Variants in TTN observed in about 807,000 individuals in gnomAD.
TTN encodes the protein titin.
A neutral mutation model predicts 3,223.0 loss-of-function variants in TTN; 1,525 were observed. The observed-to-expected ratio is 0.47, with a 90% CI of 0.45 to 0.49. The LOEUF (loss-of-function observed/expected upper bound fraction) is 0.49. TTN is among the 20% of genes least tolerant of loss of function. The pLI, the probability that TTN is intolerant of heterozygous loss-of-function variation, is 0.00. For missense variants in TTN, 40,786 were observed against 43,424.0 expected, an observed-to-expected ratio of 0.94 and a Z score of 5.40; for synonymous variants, 14,094 against 15,161.0, an observed-to-expected ratio of 0.93 and a Z score of 5.17.
rs768090794 is a variant in TTN, at chr2:178,756,694, A to G, written c.10782T>C (p.Ser3594=). Residue 3594 remains serine (S), a synonymous_variant, in exon 46 of 363, where the codon TCT becomes TCC. Transcript: ENST00000589042. Reference sequence around the variant, plus strand: ...CTTGAAATGACTTAATTTCCTTTTGAGATATTTTGCTCTCCTCCTTTGTGA... The same window carrying G: ...CTTGAAATGACTTAATTTCCTTTTGGGATATTTTGCTCTCCTCCTTTGTGA... ...SSFTKEESKI[S]QKEIKSFQGS... 1.2e-6 allele frequency: 2 copies of G among 1,613,676 alleles called. No homozygotes were observed. The highest frequency in any genetic ancestry group is 4.5e-5 in the East Asian group (2 of 44,846).
At position 178,703,960 on chromosome 2, in the gene TTN, A is replaced by G. The variant is rs1281008769; in HGVS notation, c.30223+187T>C. 3.9e-5 allele frequency among the ~76,000 whole-genome samples: 6 copies of G among 152,208 alleles called. No individual in the cohort carries two copies. The East Asian group carries it at 1.2e-3, about 29-fold the overall frequency. ...AAAAGAACGATGCAAAAGAACTGACACTCATTTGAATATTTCCCTTGTGCT... is the reference window on the plus strand; with the variant it reads ...AAAAGAACGATGCAAAAGAACTGACGCTCATTTGAATATTTCCCTTGTGCT... On this transcript the variant is annotated intron_variant, in intron 106 of 362. Coordinates refer to ENST00000589042, the MANE Select transcript of TTN (RefSeq NM_001267550.2).
intron 18 of TTN, 34 bp from the exon 19 acceptor site, chr2:178,782,636 G>A (rs1351166843): frequency 3.1e-6 from 5 of 1,611,648 alleles, no homozygotes; most frequent in East Asian, 4.5e-5. Context: ...ATTGAGATGA[G>A]ATGTTTAGTG....
rs757464490 is a variant in TTN, at chr2:178,589,835, G to A, written c.61890C>T (p.Ala20630=). The part of the protein sequence containing the change: ...ASDVTKRLIK[A]NLLANNEYYF... Reference sequence around the variant, plus strand: ...AGTATTCATTGTTGGCTAAAAGGTTGGCCTTGATTAATCGTTTAGTGACAT... The same window carrying A: ...AGTATTCATTGTTGGCTAAAAGGTTAGCCTTGATTAATCGTTTAGTGACAT... The change falls in exon 304 of 363, where the codon GCC becomes GCT. Residue 20630 remains alanine (A), a synonymous_variant. Transcript: ENST00000589042. 14 of 1,613,478 alleles carry A rather than the reference G, an allele frequency of 8.7e-6. No homozygotes were observed. Among genetic ancestry groups the A allele is most frequent in the Non-Finnish European group, 1.2e-5 (14 of 1,179,604 alleles).
Position 178,632,936 on chromosome 2 carries a change from C to G in TTN, c.43195G>C (p.Ala14399Pro). Residue 14399 changes from alanine to proline, a missense_variant, in exon 234 of 363, where the codon GCC becomes CCC. By Grantham distance (27) the Ala-to-Pro change is conservative (BLOSUM62 -1). Coordinates refer to ENST00000589042, the MANE Select transcript of TTN (RefSeq NM_001267550.2). ...AGCATACCTTTCACTTTCAGATTGG[C>G]TGCAGATTTGGCATTAGCAGCCTGG... ...SFQAANAKSAANLKVKELPLI... is the reference protein window; with the variant it reads ...SFQAANAKSAPNLKVKELPLI... The G allele has an allele frequency of 6.2e-7, 1 of 1,612,790 alleles. No homozygotes were observed. The highest frequency in any genetic ancestry group is 8.5e-7 in the Non-Finnish European group (1 of 1,179,324).
rs879110855 is a variant in TTN, at chr2:178,614,257, T to A, written c.49140A>T (p.Gly16380=). 2 of 1,612,542 alleles carry A rather than the reference T, an allele frequency of 1.2e-6. No individual in the cohort carries two copies. The highest frequency in any genetic ancestry group is 1.3e-5 in the African/African-American group (1 of 74,798). Residue 16380 remains glycine (G), a synonymous_variant, in exon 262 of 363, where the codon GGA becomes GGT. Coordinates refer to ENST00000589042, the MANE Select transcript of TTN (RefSeq NM_001267550.2). The part of the protein sequence containing the change: ...LTWNPPRDDG[G]SKITNYVVER... ...CCACAACATAGTTTGTGATCTTAGATCCACCATCATCGCGTGGTGGGTTCC... is the reference window on the plus strand; with the variant it reads ...CCACAACATAGTTTGTGATCTTAGAACCACCATCATCGCGTGGTGGGTTCC...
rs369393227 is a variant in TTN, at chr2:178,688,091, A to G, written c.32311+20T>C. ...CTCATCAAAACCCCAGATCATCTCT[A>G]GCTTATTTGCATTGTTTACCTTCAT... is the stretch of plus-strand genomic sequence containing the variant. On this transcript the variant is annotated intron_variant, in intron 127 of 362. Transcript: ENST00000589042. 1.3e-6 allele frequency: 2 copies of G among 1,599,172 alleles called. No individual in the cohort carries two copies. The highest frequency in any genetic ancestry group is 8.6e-7 in the Non-Finnish European group (1 of 1,168,040).
rs758126299 is a variant in TTN at position 178,550,228 on chromosome 2, A to C, written c.91610T>G (p.Ile30537Ser). 4 of 1,613,500 alleles carry C rather than the reference A, an allele frequency of 2.5e-6. No homozygotes were observed. Among genetic ancestry groups the C allele is most frequent in the Non-Finnish European group, 3.4e-6 (4 of 1,179,624 alleles). Reference sequence around the variant, plus strand: ...TCTAAGGCTCTCTCCGGACTTAATAATGAGACCATCAAAGTATTCAGGGCC... The same window carrying C: ...TCTAAGGCTCTCTCCGGACTTAATACTGAGACCATCAAAGTATTCAGGGCC... ...EFGPEYFDGL[I>S]IKSGESLRIK... Residue 30537 changes from isoleucine (I) to serine (S), a missense_variant, in exon 337 of 363, where the codon ATT (isoleucine) becomes AGT (serine). Transcript: ENST00000589042.
intron 323 of TTN, 29 bp downstream of exon 323, chr2:178,577,573 A>G (rs778799924): frequency 6.4e-7 from 1 of 1,555,190 alleles, no homozygotes; most frequent in Non-Finnish European, 8.7e-7. Context: ...TTTAAAAAAA[A>G]AAGTACATAA....
rs573886354 is a variant in TTN at position 178,727,412 on chromosome 2, T to C, written c.19994-41A>G. The C allele has an allele frequency of 2.6e-6, 4 of 1,522,700 alleles. No individual in the cohort carries two copies. The South Asian group carries it at 4.0e-5, about 15-fold the overall frequency. The allele number at this position is 1,522,700 out of a possible 1,614,324, so 94.3% of individuals were successfully genotyped here. ...AGAGGAGAGTATCAGGGAACAGAAA[T>C]AAATAACAATAGTTAAATTAGATAG... On this transcript the variant is annotated intron_variant, in intron 68 of 362. Transcript: ENST00000589042.
At position 178,695,363 on chromosome 2, in the gene TTN, G is replaced by T; in HGVS notation, c.31255C>A (p.Pro10419Thr). 6.2e-7 allele frequency: 1 copy of T among 1,612,098 alleles called. No individual in the cohort carries two copies. The highest frequency in any genetic ancestry group is 8.5e-7 in the Non-Finnish European group (1 of 1,178,578). The change falls in exon 115 of 363, where the codon CCA becomes ACA. Residue 10419 changes from proline to threonine, a missense_variant. By Grantham distance (38) the Pro-to-Thr change is conservative. Coordinates refer to ENST00000589042, the MANE Select transcript of TTN (RefSeq NM_001267550.2). Reference protein sequence around the residue: ...VPAKVPEKKAPPPPKVIKKPV... With the variant: ...VPAKVPEKKATPPPKVIKKPV... Reference sequence around the variant, plus strand: ...AATTACTTACCTTTAGGAGGTGGTGGTGCTTTCTTTTCAGGTACTTTGGCT... The same window carrying T: ...AATTACTTACCTTTAGGAGGTGGTGTTGCTTTCTTTTCAGGTACTTTGGCT...
chr2:178,714,670 T>C (rs775492611), intron 90 of TTN, 97 bp from the exon 91 acceptor site: 1 of 1,344,184 alleles, frequency 7.4e-7, no homozygotes, highest in Non-Finnish European at 9.9e-7. Context: ...AGTGATAATG[T>C]GTTATTTCCA....
At position 178,552,419 on chromosome 2, in the gene TTN, G is replaced by A; in HGVS notation, c.90481C>T (p.Pro30161Ser). The part of the protein sequence containing the change: ...LELPYKGKPK[P>S]SISWLKDGLP... ...CCATCTTTCAGCCAACTGATGGATG[G>A]TTTGGGTTTTCCCTTATAAGGTAAT... The change falls in exon 335 of 363, where the codon CCA becomes TCA. Residue 30161 changes from proline to serine, a missense_variant. Transcript: ENST00000589042. 1 of 1,597,408 alleles carries A rather than the reference G, an allele frequency of 6.3e-7. No individual in the cohort carries two copies. The highest frequency in any genetic ancestry group is 1.1e-5 in the South Asian group (1 of 89,016).
Position 178,547,881 on chromosome 2 carries a change from A to G in TTN, c.93745T>C (p.Trp31249Arg). The change falls in exon 339 of 363, where the codon TGG becomes CGG. Residue 31249 changes from tryptophan (W) to arginine (R), a missense_variant. Coordinates refer to ENST00000589042, the MANE Select transcript of TTN (RefSeq NM_001267550.2). ...ISGRPAPKVTWKLEEMRLKET... is the reference protein window; with the variant it reads ...ISGRPAPKVTRKLEEMRLKET... ...TTAAGTCTCATTTCTTCCAGTTTCCATGTTACTTTGGGGGCAGGACGACCA... is the reference window on the plus strand; with the variant it reads ...TTAAGTCTCATTTCTTCCAGTTTCCGTGTTACTTTGGGGGCAGGACGACCA... 2 of 1,613,676 alleles carry G rather than the reference A, an allele frequency of 1.2e-6. No individual in the cohort carries two copies. The highest frequency in any genetic ancestry group is 2.2e-5 in the East Asian group (1 of 44,852).
chr2:178,702,857 T>C (rs2075243507), intron 106 of TTN, among the ~76,000 whole-genome samples, 194 bp from the exon 107 acceptor site: 1 of 152,226 alleles, frequency 6.6e-6, no homozygotes, highest in Non-Finnish European at 1.5e-5. Context: ...AATTCTTAAG[T>C]GTATTCATGC....
intron 34 of TTN, among the ~76,000 whole-genome samples, chr2:178,770,959 C>T (rs551727345): frequency 7.2e-5 from 11 of 152,242 alleles, no homozygotes; most frequent in East Asian, 1.9e-4. Flanking sequence ...GGGTGAAAGA[C>T]GAATGGAGAA....
At chr2:178,670,870 T>C (rs1424075825) in intron 156 of TTN, among the ~76,000 whole-genome samples, 2 of 151,914 alleles carry the variant, frequency 1.3e-5, no homozygotes, top group African/African-American at 4.8e-5. Context: ...ACTAGAGATA[T>C]TTGCTTTGGT....
intron 41 of TTN, 102 bp downstream of exon 41, chr2:178,766,279 G>A: frequency 4.2e-6 from 4 of 944,160 alleles, no homozygotes; most frequent in South Asian, 2.7e-5. Flanking sequence ...AATACCATAG[G>A]TTCTTTAGAA....
At chr2:178,693,832 T>TCTA in intron 118 of TTN, 90 bp downstream of exon 118, 1 of 1,280,730 alleles carries the variant, frequency 7.8e-7, no homozygotes, top group Non-Finnish European at 1.1e-6. Context: ...GACAGAAATG[T>TCTA]CTACACGATC....
rs200033767 is a variant in TTN, at chr2:178,804,517, G to GA, written c.91+34dup. On this transcript the variant is annotated intron_variant, in intron 2 of 362. Transcript: ENST00000589042. Reference sequence around the variant, plus strand: ...TTAACTTACTGGAGAGGAGGCAAAGGAAAAAAAAACAAAAGTGTGAATGTG... The same window carrying GA: ...TTAACTTACTGGAGAGGAGGCAAAGGAAAAAAAAAACAAAAGTGTGAATGTG... 2.7e-3 allele frequency: 4,132 copies of GA among 1,521,256 alleles called. 18 individuals carry two copies. The highest frequency in any genetic ancestry group is 0.013 in the South Asian group (1,171 of 87,368). 94.2% of individuals were successfully genotyped at this position (1,521,256 alleles called of 1,614,324 possible). A position where few individuals can be genotyped will look rare whatever the true frequency, so the allele number is the denominator to read the frequency against.
Sources: gnomAD v4.1 joint callset for allele counts (sites outside exome capture counted in the v4.1 genomes callset) on GRCh38, gnomAD v4.1.1 for gene constraint, MANE v1.5 for transcripts, NCBI Gene and HGNC (gene_info 2026-07-23, HGNC 2026-07-21) for gene names.